AP4E1: variants seen among roughly 807,000 people sequenced by gnomAD.
AP4E1 encodes adaptor related protein complex 4 subunit epsilon 1.
AP4E1 carries 56 observed loss-of-function variants against 128.2 expected under a neutral mutation model. That is an observed-to-expected ratio of 0.44 (90% CI 0.35 to 0.55). The LOEUF (loss-of-function observed/expected upper bound fraction) is 0.55. Among genes scored for constraint, AP4E1 ranks in the 20% least tolerant of loss-of-function variants. AP4E1 has a pLI of 0.00. For synonymous variants in AP4E1, 484 were observed against 473.1 expected (o/e 1.02, Z -0.30); for missense variants, 1,324 against 1,307.7 (o/e 1.01, Z -0.19).
At chr15:50,940,497 G>C (rs1465805285) in intron 8 of AP4E1, among the ~76,000 whole-genome samples, 1 of 152,180 alleles carries the variant, frequency 6.6e-6, no homozygotes, top group Non-Finnish European at 1.5e-5. Context: ...TACATAAAGA[G>C]AATGTCGGGT....
intron 15 of AP4E1, among the ~76,000 whole-genome samples, chr15:50,983,396 G>A (rs1360358795): frequency 1.3e-5 from 2 of 152,158 alleles, no homozygotes. Flanking sequence ...TATGACAAAG[G>A]TGTTTGTAAA....
chr15:50,995,885 C>CA (rs773763666), intron 17 of AP4E1, among the ~76,000 whole-genome samples: 3,069 of 105,756 alleles, frequency 0.029, 50 homozygotes, highest in African/African-American at 0.032. Flanking sequence ...AAACATAGAC[C>CA]AAAAAAAAAA....
At chr15:50,920,307 G>T (rs2063684061) in intron 3 of AP4E1, among the ~76,000 whole-genome samples, 1 of 151,458 alleles carries the variant, frequency 6.6e-6, no homozygotes, top group South Asian at 2.1e-4. Context: ...TAGAGACGGG[G>T]TTTCACTGTG....
At chr15:50,986,339 A>G (rs2064723338) in intron 16 of AP4E1, among the ~76,000 whole-genome samples, 1 of 152,150 alleles carries the variant, frequency 6.6e-6, no homozygotes, top group South Asian at 2.1e-4. Context: ...AACTTCCAAC[A>G]CTGTGTTGAA....
chr15:50,957,047 C>T (rs1322702792), intron 13 of AP4E1, among the ~76,000 whole-genome samples: 6 of 152,104 alleles, frequency 3.9e-5, no homozygotes, highest in Non-Finnish European at 8.8e-5. Context: ...TCCTGAAGCC[C>T]CATTGAGCAT....
At chr15:50,931,730 A>T (rs1446310064) in intron 7 of AP4E1, among the ~76,000 whole-genome samples, 2 of 152,138 alleles carry the variant, frequency 1.3e-5, no homozygotes, top group African/African-American at 4.8e-5. Flanking sequence ...TCGGCACATC[A>T]TGAAGTATTA....
chr15:50,908,737 A>G lies in AP4E1; in HGVS notation c.-42A>G, dbSNP rs749657602. On this transcript the variant is annotated 5_prime_UTR_variant, in exon 1 of 21. Coordinates refer to ENST00000261842, the MANE Select transcript of AP4E1 (RefSeq NM_007347.5). ...CGGCCGGGCATGAAGCCGGGCGGCTACGGGATCGCGGGCGGCGGCGGCATC... is the reference window on the plus strand; with the variant it reads ...CGGCCGGGCATGAAGCCGGGCGGCTGCGGGATCGCGGGCGGCGGCGGCATC... 10 of 1,481,644 alleles carry G rather than the reference A, an allele frequency of 6.7e-6. No individual in the cohort carries two copies. The highest frequency in any genetic ancestry group is 9.0e-6 in the Non-Finnish European group (10 of 1,112,510). The allele number at this position is 1,481,644 out of a possible 1,614,324, so 91.8% of individuals were successfully genotyped here. A position where few individuals can be genotyped will look rare whatever the true frequency, so the allele number is the denominator to read the frequency against.
intron 15 of AP4E1, among the ~76,000 whole-genome samples, chr15:50,976,275 A>G (rs999001726): frequency 2.6e-5 from 4 of 152,206 alleles, no homozygotes; most frequent in African/African-American, 9.7e-5. Context: ...TAAAGGATAA[A>G]AACCACACAG....
At chr15:50,938,121 C>G (rs1423830251) in intron 8 of AP4E1, among the ~76,000 whole-genome samples, 1 of 151,968 alleles carries the variant, frequency 6.6e-6, no homozygotes, top group African/African-American at 2.4e-5. Flanking sequence ...GAGAACAAGT[C>G]AGGCTGGTTA....
At chr15:50,970,937 G>T (rs141679533) in intron 15 of AP4E1, among the ~76,000 whole-genome samples, 1 of 152,230 alleles carries the variant, frequency 6.6e-6, no homozygotes, top group East Asian at 1.9e-4. Flanking sequence ...CATATGCTTT[G>T]TTCCTTACTT....
intron 11 of AP4E1, among the ~76,000 whole-genome samples, chr15:50,948,744 G>A (rs961153058): frequency 2.0e-5 from 3 of 151,752 alleles, no homozygotes; most frequent in East Asian, 1.9e-4. Context: ...AGGCTGAGGC[G>A]GGTGGATCAC....
chr15:50,948,262 T>C, intron 11 of AP4E1, 103 bp downstream of exon 11: 5 of 1,388,942 alleles, frequency 3.6e-6, no homozygotes, highest in East Asian at 2.4e-5. Flanking sequence ...TTCAGAGACC[T>C]AGCAATACTT....
intron 12 of AP4E1, 27 bp downstream of exon 12, chr15:50,949,965 G>C: frequency 6.3e-7 from 1 of 1,595,612 alleles, no homozygotes; most frequent in Non-Finnish European, 8.6e-7. Context: ...ATTCTGTAAA[G>C]TAAACATTTT....
At chr15:50,935,049 A>C (rs971908536) in intron 8 of AP4E1, among the ~76,000 whole-genome samples, 10 of 152,176 alleles carry the variant, frequency 6.6e-5, no homozygotes, top group African/African-American at 2.4e-4. Context: ...GTTCTTAAAT[A>C]AATCAATCGA....
intron 9 of AP4E1, 27 bp from the exon 10 acceptor site, chr15:50,941,639 C>G (rs757538804): frequency 3.1e-6 from 5 of 1,611,882 alleles, no homozygotes; most frequent in African/African-American, 1.3e-5. Flanking sequence ...TTTCAATTCA[C>G]TTTGTATAAT....
At chr15:50,925,950 C>G (rs2063764930) in intron 5 of AP4E1, among the ~76,000 whole-genome samples, 1 of 151,582 alleles carries the variant, frequency 6.6e-6, no homozygotes, top group Admixed American at 6.6e-5. Context: ...TATATCAAAA[C>G]CACAGCATTT....
At chr15:50,989,068 A>G (rs1360892733) in intron 16 of AP4E1, among the ~76,000 whole-genome samples, 2 of 152,184 alleles carry the variant, frequency 1.3e-5, no homozygotes, top group African/African-American at 4.8e-5. Flanking sequence ...ATTAATAATG[A>G]TTGTCATTAC....
chr15:50,937,612 A>G (rs1357583761), intron 8 of AP4E1, among the ~76,000 whole-genome samples: 1 of 152,204 alleles, frequency 6.6e-6, no homozygotes, highest in Non-Finnish European at 1.5e-5. Context: ...GTATTGTAGG[A>G]GTTCCGAGGA....
At chr15:50,929,962 C>A (rs907935735) in intron 6 of AP4E1, among the ~76,000 whole-genome samples, 3 of 151,670 alleles carry the variant, frequency 2.0e-5, no homozygotes, top group African/African-American at 7.3e-5. Context: ...TTTCCCCAGT[C>A]CAAGAGATTA....
Sources: allele counts gnomAD v4.1 joint callset (sites outside exome capture counted in the v4.1 genomes callset), GRCh38; gene constraint gnomAD v4.1.1; transcripts MANE v1.5; gene names NCBI Gene and HGNC (gene_info 2026-07-23, HGNC 2026-07-21).